Variants in OTUD7B observed in about 807,000 individuals in gnomAD.
OTUD7B encodes OTU domain-containing protein 7B.
Under a neutral mutation model 82.2 loss-of-function variants are expected in OTUD7B, and 34 were observed. The observed-to-expected ratio is 0.41, with a 90% CI of 0.31 to 0.55. The LOEUF (loss-of-function observed/expected upper bound fraction) is 0.55. Ranked by LOEUF, OTUD7B falls within the 20% of genes least tolerant of loss-of-function variation. The probability of loss-of-function intolerance (pLI) is 0.20; values close to 1 mark genes in which losing one functional copy is unlikely to be tolerated. For missense variants in OTUD7B, 944 were observed against 1,062.1 expected, an observed-to-expected ratio of 0.89 and a Z score of 1.55; for synonymous variants, 398 against 402.7, an observed-to-expected ratio of 0.99 and a Z score of 0.14.
chr1:150,035,408 A>G, the OTUD7B span, among the ~76,000 whole-genome samples: 6 of 152,162 alleles, frequency 3.9e-5, no homozygotes, highest in Non-Finnish European at 7.4e-5. Flanking sequence ...AGAGAGGGGA[A>G]CACAGGGTTC....
intron 1 of OTUD7B, among the ~76,000 whole-genome samples, chr1:149,979,503 ACTT>A (rs1650568517): frequency 2.0e-5 from 3 of 152,292 alleles, no homozygotes; most frequent in African/African-American, 7.2e-5. Flanking sequence ...TAAAAAATAA[ACTT>A]CTTCAGTTCA....
intron 1 of OTUD7B, among the ~76,000 whole-genome samples, chr1:149,990,502 A>G (rs919184366): frequency 6.6e-6 from 1 of 152,216 alleles, no homozygotes; most frequent in Admixed American, 6.5e-5. Flanking sequence ...TGTCCCATCA[A>G]GATGTATAAA....
At chr1:149,982,254 A>AG (rs1208481077) in intron 1 of OTUD7B, among the ~76,000 whole-genome samples, 2 of 151,244 alleles carry the variant, frequency 1.3e-5, no homozygotes, top group African/African-American at 4.9e-5. Flanking sequence ...TAAACAGAGA[A>AG]AAAAAAAGAC....
chr1:150,064,344 TTTC>T, the OTUD7B span, among the ~76,000 whole-genome samples: 6 of 152,170 alleles, frequency 3.9e-5, no homozygotes, highest in Non-Finnish European at 7.4e-5. Context: ...TTTCTCTTTC[TTTC>T]TTCTTTTCTC....
At chr1:150,002,810 T>A (rs2101932622) in intron 1 of OTUD7B, among the ~76,000 whole-genome samples, 1 of 152,314 alleles carries the variant, frequency 6.6e-6, no homozygotes, top group East Asian at 1.9e-4. Context: ...TCTGTAAATA[T>A]GATCACTCTC....
At chr1:150,059,759 T>G in the OTUD7B span, among the ~76,000 whole-genome samples, 1 of 152,250 alleles carries the variant, frequency 6.6e-6, no homozygotes, top group South Asian at 2.1e-4. Flanking sequence ...CTGGGCACAC[T>G]GCCTATGGAG....
At chr1:150,019,718 T>C in the OTUD7B span, among the ~76,000 whole-genome samples, 2 of 152,256 alleles carry the variant, frequency 1.3e-5, no homozygotes, top group South Asian at 4.1e-4. Context: ...TAGTAAATAT[T>C]ATTATCTTTG....
At chr1:150,034,925 C>A in the OTUD7B span, among the ~76,000 whole-genome samples, 1 of 151,914 alleles carries the variant, frequency 6.6e-6, no homozygotes, top group East Asian at 1.9e-4. Context: ...GGAAGATCAC[C>A]TGAAATCAGG....
chr1:149,965,724 G>A, intron 5 of OTUD7B, 53 bp downstream of exon 5: 1 of 1,293,068 alleles, frequency 7.7e-7, no homozygotes. Context: ...CATGAGATTT[G>A]ACTCAACTGC....
At chr1:150,014,733 G>A (rs587657107), upstream of OTUD7B, among the ~76,000 whole-genome samples, 9 of 152,210 alleles carry the variant, frequency 5.9e-5, no homozygotes, top group East Asian at 1.4e-3. Flanking sequence ...AGGAACAGGC[G>A]AACGTAATCT....
chr1:150,013,971 C>CAT (rs1653185047), upstream of OTUD7B, among the ~76,000 whole-genome samples: 1 of 132,134 alleles, frequency 7.6e-6, no homozygotes, highest in Non-Finnish European at 1.6e-5. Flanking sequence ...CACACACACA[C>CAT]ACATATATAT....
chr1:150,038,132 T>C, the OTUD7B span, among the ~76,000 whole-genome samples: 5 of 152,006 alleles, frequency 3.3e-5, no homozygotes, highest in South Asian at 1.0e-3. Flanking sequence ...GTGCTAGGAT[T>C]ACAGGCGTGA....
intron 1 of OTUD7B, among the ~76,000 whole-genome samples, chr1:149,995,983 T>A (rs1651897746): frequency 1.3e-5 from 2 of 152,346 alleles, no homozygotes; most frequent in South Asian, 4.1e-4. Flanking sequence ...TCTATTTGAA[T>A]GAATTGAGCA....
At chr1:150,010,888 G>A (rs1008319330), upstream of OTUD7B, among the ~76,000 whole-genome samples, 5 of 152,274 alleles carry the variant, frequency 3.3e-5, no homozygotes, top group East Asian at 9.7e-4. Flanking sequence ...TGCCCCGCGC[G>A]TGACCCCGTG....
chr1:149,973,109 T>G (rs1650043707), intron 2 of OTUD7B, among the ~76,000 whole-genome samples: 1 of 152,230 alleles, frequency 6.6e-6, no homozygotes, highest in Non-Finnish European at 1.5e-5. Flanking sequence ...ACTGCCCCAT[T>G]TGAGGTCCTC....
chr1:150,045,659 T>C, the OTUD7B span, among the ~76,000 whole-genome samples: 3 of 152,198 alleles, frequency 2.0e-5, no homozygotes, highest in African/African-American at 7.2e-5. Flanking sequence ...TTGTAACTTA[T>C]GGCCATCTTC....
the OTUD7B span, among the ~76,000 whole-genome samples, chr1:150,058,387 T>C: frequency 6.6e-6 from 1 of 152,140 alleles, no homozygotes; most frequent in Non-Finnish European, 1.5e-5. Context: ...CACATCCCTG[T>C]ACTCCCAGCT....
the OTUD7B span, among the ~76,000 whole-genome samples, chr1:150,017,044 T>A: frequency 1.3e-5 from 2 of 152,224 alleles, no homozygotes; most frequent in Non-Finnish European, 2.9e-5. Context: ...AATTTAGCAA[T>A]TGCCTTGAAT....
At chr1:150,054,600 G>A in the OTUD7B span, 1 of 390,604 alleles carries the variant, frequency 2.6e-6, no homozygotes, top group South Asian at 2.0e-5. Flanking sequence ...TTGAGGTCAG[G>A]AGTTCAAGAC....
Sources: gnomAD v4.1 joint callset for allele counts (sites outside exome capture counted in the v4.1 genomes callset) on GRCh38, gnomAD v4.1.1 for gene constraint, MANE v1.5 for transcripts, NCBI Gene and HGNC (gene_info 2026-07-23, HGNC 2026-07-21) for gene names.